The following COLEC12 variants were observed in gnomAD, a reference collection of about 807,000 sequenced individuals.
COLEC12 encodes the protein collectin-12.
A neutral mutation model predicts 71.1 loss-of-function variants in COLEC12; 33 were observed. That is an observed-to-expected ratio of 0.46 (90% confidence interval 0.35 to 0.62). The LOEUF is 0.62. Ranked by LOEUF, COLEC12 falls within the 20% of genes least tolerant of loss-of-function variation. The pLI is 0.00. For synonymous variants in COLEC12, 350 were observed against 353.0 expected (o/e 0.99, Z 0.10); for missense variants, 765 against 916.1 (o/e 0.84, Z 2.13).
intron 2 of COLEC12, among the ~76,000 whole-genome samples, chr18:471,045 T>C (rs947717523): frequency 3.3e-5 from 5 of 152,224 alleles, no homozygotes; most frequent in African/African-American, 1.2e-4. Flanking sequence ...TTCTCTTGTT[T>C]TCCTGACAAG....
chr18:379,627 T>C (rs1050111657), intron 2 of COLEC12, among the ~76,000 whole-genome samples: 23 of 152,120 alleles, frequency 1.5e-4, no homozygotes, highest in Non-Finnish European at 2.9e-5. Flanking sequence ...ATATAAAAAC[T>C]GTTTCTATTG....
In COLEC12 at chr18:427,291, G is replaced by A. The variant is rs557729960; in HGVS notation, c.58+53416C>T. Among the ~76,000 whole-genome samples the A allele has an allele frequency of 6.6e-5, 10 of 152,264 alleles. No individual in the cohort carries two copies. The East Asian group carries it at 1.7e-3, about 26-fold the overall frequency. The stretch of plus-strand genomic sequence containing the variant: ...GTAAAGATGAGTCAGCAGACAACAC[G>A]GTTAGCAAAAGCATCGCCAAATTCA... On this transcript the variant is annotated intron_variant, in intron 2 of 9. Coordinates refer to ENST00000400256, the MANE Select transcript of COLEC12 (RefSeq NM_130386.3).
chr18:481,469 C>T (rs1917414517), intron 1 of COLEC12, among the ~76,000 whole-genome samples: 1 of 152,172 alleles, frequency 6.6e-6, no homozygotes, highest in Non-Finnish European at 1.5e-5. Context: ...CTTTGGGAGG[C>T]CAAGGTGGGC....
intron 1 of COLEC12, among the ~76,000 whole-genome samples, chr18:495,563 C>T (rs1917695782): frequency 6.6e-6 from 1 of 152,230 alleles, no homozygotes; most frequent in Non-Finnish European, 1.5e-5. Context: ...TCTGCTTTAT[C>T]TTTGCAACAG....
chr18:490,166 C>G, intron 1 of COLEC12, among the ~76,000 whole-genome samples: 1 of 152,230 alleles, frequency 6.6e-6, no homozygotes, highest in East Asian at 1.9e-4. Flanking sequence ...ACCTCCCCTG[C>G]TGAACTAGAG....
At position 495,113 on chromosome 18, in the gene COLEC12, A is replaced by G. The variant is rs150947295; in HGVS notation, c.7+5395T>C. On this transcript the variant is annotated intron_variant, in intron 1 of 9. Coordinates refer to ENST00000400256, the MANE Select transcript of COLEC12 (RefSeq NM_130386.3). ...TTTCACTGCTGTATAATTACAAAAC[A>G]CCCTTAAGCAATCAGCAGGACCTTT... Among the ~76,000 whole-genome samples the G allele has an allele frequency of 1.8e-3, 272 of 152,292 alleles. 2 individuals are homozygous for G. Among genetic ancestry groups the G allele is most frequent in the African/African-American group, 6.1e-3 (253 of 41,570 alleles).
chr18:457,050 C>T (rs1916887363), intron 2 of COLEC12, among the ~76,000 whole-genome samples: 1 of 152,170 alleles, frequency 6.6e-6, no homozygotes, highest in African/African-American at 2.4e-5. Flanking sequence ...GTTCACATTC[C>T]CGAGGGTTTT....
Position 346,008 on chromosome 18 carries a change from C to G in COLEC12, c.1327+287G>C, listed in dbSNP as rs1469750676. The stretch of plus-strand genomic sequence containing the variant: ...AGGACACTCAAGCAATTTCACACAG[C>G]AAGGAACTGAGGCCTCCTGCCAAGA... On this transcript the variant is annotated intron_variant, in intron 5 of 9. Coordinates refer to ENST00000400256, the MANE Select transcript of COLEC12 (RefSeq NM_130386.3). The surrounding 1 kb of genome is among the most constrained non-coding windows in gnomAD (Gnocchi z 4.0). 6.6e-6 allele frequency among the ~76,000 whole-genome samples: 1 copy of G among 152,192 alleles called. No homozygotes were observed. The highest frequency in any genetic ancestry group is 2.4e-5 in the African/African-American group (1 of 41,442).
chr18:379,114 G>C (rs958196077), intron 2 of COLEC12, among the ~76,000 whole-genome samples: 1 of 150,510 alleles, frequency 6.6e-6, no homozygotes, highest in Admixed American at 6.7e-5. Context: ...GGAAAAGAAG[G>C]TTTTGTTTTT....
chr18:382,325 C>A (rs1346799159), intron 2 of COLEC12, among the ~76,000 whole-genome samples: 1 of 151,998 alleles, frequency 6.6e-6, no homozygotes, highest in African/African-American at 2.4e-5. Flanking sequence ...CTTTTCATGC[C>A]CAGAATCAAG....
At chr18:377,713 C>A (rs1915143784) in intron 2 of COLEC12, among the ~76,000 whole-genome samples, 1 of 152,198 alleles carries the variant, frequency 6.6e-6, no homozygotes, top group East Asian at 1.9e-4. Context: ...ATTTCCAAAG[C>A]TTTTAATCCT....
intron 2 of COLEC12, among the ~76,000 whole-genome samples, chr18:478,698 T>G (rs780972881): frequency 2.0e-5 from 3 of 152,204 alleles, no homozygotes; most frequent in Non-Finnish European, 4.4e-5. Context: ...ATGCTGGATA[T>G]CCATCGCCTT....
At chr18:445,002 C>T (rs1383226) in intron 2 of COLEC12, among the ~76,000 whole-genome samples, 19,137 of 152,138 alleles carry the variant, frequency 0.13, 1,627 homozygotes, top group East Asian at 0.37. Context: ...TATTTTTAAA[C>T]GAAGGTCAAA....
At position 445,925 on chromosome 18, in the gene COLEC12, C is replaced by A. The variant is rs969927250; in HGVS notation, c.58+34782G>T. On this transcript the variant is annotated intron_variant, in intron 2 of 9. Coordinates refer to ENST00000400256, the MANE Select transcript of COLEC12 (RefSeq NM_130386.3). Reference sequence around the variant, plus strand: ...GGGATTACAGGCATGAGTCACTGCGCCCAGCCTAATCTACTTTTTGTCCCT... The same window carrying A: ...GGGATTACAGGCATGAGTCACTGCGACCAGCCTAATCTACTTTTTGTCCCT... Among the ~76,000 whole-genome samples the A allele has an allele frequency of 7.9e-5, 12 of 152,296 alleles. No homozygotes were observed. The East Asian group carries it at 2.1e-3, about 27-fold the overall frequency.
At chr18:495,842 TC>T (rs944156420) in intron 1 of COLEC12, among the ~76,000 whole-genome samples, 34 of 151,866 alleles carry the variant, frequency 2.2e-4, no homozygotes, top group Admixed American at 6.6e-4. Flanking sequence ...TGAATACTGA[TC>T]CCCCCCGCCA....
At chr18:393,436 T>A (rs1206036616) in intron 2 of COLEC12, among the ~76,000 whole-genome samples, 4 of 151,808 alleles carry the variant, frequency 2.6e-5, no homozygotes, top group Admixed American at 2.6e-4. Context: ...TTTCCCTTTT[T>A]TCTTTGGTAT....
rs559458614 is a variant in COLEC12, at chr18:463,789, G to A, written c.58+16918C>T. ...TGACAGCCACAGCCCTCTTCCCCTA[G>A]CCCCCAATTTCCACTTTCTCTTCTT... On this transcript the variant is annotated intron_variant, in intron 2 of 9. Coordinates refer to ENST00000400256, the MANE Select transcript of COLEC12 (RefSeq NM_130386.3). Among the ~76,000 whole-genome samples the A allele has an allele frequency of 1.1e-4, 17 of 152,152 alleles. No individual in the cohort carries two copies. The South Asian group carries it at 3.5e-3, about 32-fold the overall frequency.
At chr18:446,000 G>A (rs1431446478) in intron 2 of COLEC12, among the ~76,000 whole-genome samples, 2 of 152,072 alleles carry the variant, frequency 1.3e-5, no homozygotes, top group African/African-American at 2.4e-5. Context: ...CATAATATGT[G>A]GCCTTTTGTG....
At chr18:325,817 GC>G (rs1331549738) in intron 8 of COLEC12, among the ~76,000 whole-genome samples, 3 of 151,838 alleles carry the variant, frequency 2.0e-5, no homozygotes, top group African/African-American at 7.3e-5. Context: ...ATGCACACCA[GC>G]ACACCCAGCT....
Sources: allele counts gnomAD v4.1 joint callset (sites outside exome capture counted in the v4.1 genomes callset), GRCh38; gene constraint gnomAD v4.1.1; non-coding constraint Gnocchi (gnomAD v3.1); transcripts MANE v1.5; gene names NCBI Gene and HGNC (gene_info 2026-07-23, HGNC 2026-07-21).